Variants in SNCAIP observed in about 807,000 individuals in gnomAD.
The protein encoded by SNCAIP is synphilin-1.
In SNCAIP, 43 loss-of-function variants were observed where a neutral mutation model predicts 86.7. The ratio of observed to expected loss-of-function variants is 0.50; its 90% CI spans 0.39 to 0.64. The LOEUF is 0.64. SNCAIP is among the 30% of genes least tolerant of loss of function. The pLI, the probability that SNCAIP is intolerant of heterozygous loss-of-function variation, is 0.00. For missense variants in SNCAIP, 981 were observed against 1,103.1 expected (o/e 0.89, Z 1.57); for synonymous variants, 417 against 427.2 (o/e 0.98, Z 0.29).
chr5:122,440,522 C>A, intron 6 of SNCAIP, 107 bp from the exon 7 acceptor site: 1 of 1,049,594 alleles, frequency 9.5e-7, no homozygotes, highest in Non-Finnish European at 1.5e-6. Flanking sequence ...CTACGGTAAG[C>A]ATGGTTTTAC....
intron 6 of SNCAIP, 146 bp from the exon 7 acceptor site, chr5:122,440,483 A>G (rs1225395609): frequency 3.9e-6 from 3 of 761,432 alleles, no homozygotes; most frequent in Non-Finnish European, 6.8e-6. Context: ...AGGATTTTCA[A>G]TTCACATCTG....
intron 1 of SNCAIP, among the ~76,000 whole-genome samples, chr5:122,348,523 G>A (rs1759090828): frequency 6.6e-6 from 1 of 152,054 alleles, no homozygotes; most frequent in South Asian, 2.1e-4. Context: ...TCATCAGTTT[G>A]GGGCTGATTA....
At chr5:122,333,689 A>C (rs1324200519) in intron 1 of SNCAIP, among the ~76,000 whole-genome samples, 1 of 152,254 alleles carries the variant, frequency 6.6e-6, no homozygotes, top group African/African-American at 2.4e-5. Context: ...TTGAGTGCTT[A>C]AGCAATCATG....
chr5:122,363,220 T>C (rs1474361905), intron 1 of SNCAIP, among the ~76,000 whole-genome samples: 1 of 152,134 alleles, frequency 6.6e-6, no homozygotes, highest in African/African-American at 2.4e-5. Context: ...GGTCTCCAAC[T>C]CCCAACCTCA....
chr5:122,448,876 C>A (rs536669032), intron 8 of SNCAIP, among the ~76,000 whole-genome samples: 1 of 150,152 alleles, frequency 6.7e-6, no homozygotes, highest in Non-Finnish European at 1.5e-5. Context: ...ATTAGCTGGG[C>A]GGAGTGGCGG....
intron 3 of SNCAIP, among the ~76,000 whole-genome samples, chr5:122,413,950 C>T (rs1184419293): frequency 1.3e-5 from 2 of 152,172 alleles, no homozygotes; most frequent in African/African-American, 2.4e-5. Flanking sequence ...CACTCTTTCG[C>T]CGCAGCTGAA....
At chr5:122,323,391 C>T (rs542773841) in intron 1 of SNCAIP, 2 of 152,310 alleles carry the variant, frequency 1.3e-5, no homozygotes, top group African/African-American at 4.8e-5. Flanking sequence ...GGAAATACAG[C>T]AGAGCTATTT....
chr5:122,370,957 A>G (rs1764153497), intron 1 of SNCAIP, among the ~76,000 whole-genome samples: 1 of 152,150 alleles, frequency 6.6e-6, no homozygotes, highest in Non-Finnish European at 1.5e-5. Context: ...CTGAATCTCA[A>G]ACTCAAGTGG....
rs746654276 is a variant in SNCAIP, at chr5:122,425,544, G to A, written c.1182+13G>A. ...CCTGGCCATTAAGGTGACTGGTTGGGGGCTGGAACCTCCACAGCTAGAAGC... is the reference window on the plus strand; with the variant it reads ...CCTGGCCATTAAGGTGACTGGTTGGAGGCTGGAACCTCCACAGCTAGAAGC... On this transcript the variant is annotated intron_variant, in intron 5 of 10. Transcript: ENST00000261368. 44 of 1,610,914 alleles carry A rather than the reference G, an allele frequency of 2.7e-5. No individual in the cohort carries two copies. The African/African-American group carries it at 4.5e-4, about 17-fold the overall frequency.
At chr5:122,436,865 A>G (rs1371541591) in intron 6 of SNCAIP, 1 of 152,212 alleles carries the variant, frequency 6.6e-6, no homozygotes, top group African/African-American at 2.4e-5. Context: ...ATACAACATT[A>G]AAACAGGTTA....
intron 1 of SNCAIP, among the ~76,000 whole-genome samples, chr5:122,358,295 T>C (rs972107610): frequency 2.1e-4 from 32 of 150,844 alleles, no homozygotes; most frequent in Admixed American, 1.1e-3. Context: ...CATGTTGGTG[T>C]GCTGCACCCA....
intron 1 of SNCAIP, among the ~76,000 whole-genome samples, chr5:122,358,397 A>G (rs1761553371): frequency 7.9e-6 from 1 of 127,166 alleles, no homozygotes; most frequent in African/African-American, 3.1e-5. Flanking sequence ...GACACTTGGA[A>G]TATTTAATCA....
At chr5:122,424,245 A>G (rs146793524) in intron 4 of SNCAIP, among the ~76,000 whole-genome samples, 1 of 152,188 alleles carries the variant, frequency 6.6e-6, no homozygotes, top group Non-Finnish European at 1.5e-5. Context: ...CCTCTGACCC[A>G]GGTGGAGTTT....
chr5:122,457,821 G>A (rs1302819620), intron 10 of SNCAIP, among the ~76,000 whole-genome samples: 1 of 152,200 alleles, frequency 6.6e-6, no homozygotes, highest in Admixed American at 6.5e-5. Context: ...TCTTTCAAAT[G>A]TGCCAGGTTT....
intron 4 of SNCAIP, 131 bp downstream of exon 4, chr5:122,423,870 TGG>T (rs1776865889): frequency 1.3e-6 from 1 of 771,704 alleles, no homozygotes; most frequent in Non-Finnish European, 2.1e-6. Flanking sequence ...TGGCTTTAGT[TGG>T]GAGATGTGAC....
chr5:122,425,071 A>G (rs951353481), intron 4 of SNCAIP, among the ~76,000 whole-genome samples: 1 of 152,230 alleles, frequency 6.6e-6, no homozygotes, highest in Non-Finnish European at 1.5e-5. Flanking sequence ...AATTACTGTA[A>G]ATGTAATTAT....
At chr5:122,460,123 CTTTTT>C (rs796994434) in intron 10 of SNCAIP, among the ~76,000 whole-genome samples, 2 of 143,596 alleles carry the variant, frequency 1.4e-5, no homozygotes, top group African/African-American at 5.1e-5. Context: ...GTGGCAGATA[CTTTTT>C]TTTTTTTTTA....
chr5:122,390,232 C>A (rs989083641), intron 1 of SNCAIP, among the ~76,000 whole-genome samples: 2 of 152,134 alleles, frequency 1.3e-5, no homozygotes, highest in Non-Finnish European at 1.5e-5. Context: ...TGAGAGTTGG[C>A]GCTGCAGAAG....
At chr5:122,354,193 G>T (rs1760528686) in intron 1 of SNCAIP, among the ~76,000 whole-genome samples, 1 of 152,102 alleles carries the variant, frequency 6.6e-6, no homozygotes, top group Admixed American at 6.5e-5. Flanking sequence ...ACACTTCCTT[G>T]ATTCACATTA....
Sources: gnomAD v4.1 joint callset for allele counts (sites outside exome capture counted in the v4.1 genomes callset) on GRCh38, gnomAD v4.1.1 for gene constraint, MANE v1.5 for transcripts, NCBI Gene and HGNC (gene_info 2026-07-23, HGNC 2026-07-21) for gene names.